The following BMP6 variants were observed in gnomAD, a reference collection of about 807,000 sequenced individuals.
BMP6 encodes bone morphogenetic protein 6, also known as VG-1-R.
In BMP6, 17 loss-of-function variants were observed where a neutral mutation model predicts 54.1. The ratio of observed to expected loss-of-function variants is 0.31; its 90% CI spans 0.22 to 0.47. BMP6 has a LOEUF of 0.47. BMP6 is among the 20% of genes least tolerant of loss of function. The probability of loss-of-function intolerance (pLI) is 1.00; values close to 1 mark genes in which losing one functional copy is unlikely to be tolerated. For synonymous variants in BMP6, 328 were observed against 291.2 expected (o/e 1.13, Z -1.28); for missense variants, 720 against 690.4 (o/e 1.04, Z -0.48).
chr6:7,843,506 A>G (rs891839995), intron 1 of BMP6, among the ~76,000 whole-genome samples: 2 of 151,082 alleles, frequency 1.3e-5, no homozygotes, highest in Non-Finnish European at 2.9e-5. Flanking sequence ...GAAAAACAAC[A>G]TGTGTAAGAG....
At chr6:7,806,376 C>T (rs1186967045) in intron 1 of BMP6, among the ~76,000 whole-genome samples, 3 of 152,130 alleles carry the variant, frequency 2.0e-5, no homozygotes, top group Non-Finnish European at 4.4e-5. Context: ...AGCTGATTGC[C>T]CATGTGAGGA....
intron 1 of BMP6, among the ~76,000 whole-genome samples, chr6:7,793,726 G>A (rs911186338): frequency 1.3e-5 from 2 of 152,160 alleles, no homozygotes; most frequent in African/African-American, 4.8e-5. Context: ...AGTCTTATTA[G>A]TCCTCCTCCA....
At chr6:7,787,722 T>C (rs1056363807) in intron 1 of BMP6, among the ~76,000 whole-genome samples, 2 of 152,254 alleles carry the variant, frequency 1.3e-5, no homozygotes, top group African/African-American at 4.8e-5. Context: ...ATTCTCAATT[T>C]AGTAAATGCT....
chr6:7,787,283 C>A (rs1371697200), intron 1 of BMP6, among the ~76,000 whole-genome samples: 1 of 152,180 alleles, frequency 6.6e-6, no homozygotes, highest in Admixed American at 6.5e-5. Context: ...GTGAACTTCT[C>A]TGGAAGCGCC....
At chr6:7,806,077 T>G (rs1219015966) in intron 1 of BMP6, among the ~76,000 whole-genome samples, 1 of 152,196 alleles carries the variant, frequency 6.6e-6, no homozygotes, top group Non-Finnish European at 1.5e-5. Context: ...TTTAGGAGAT[T>G]AACATCGAAC....
At chr6:7,841,535 G>A (rs1187699765) in intron 1 of BMP6, among the ~76,000 whole-genome samples, 2 of 152,208 alleles carry the variant, frequency 1.3e-5, no homozygotes. Flanking sequence ...CAAACAAACT[G>A]TGTACATTCA....
intron 1 of BMP6, among the ~76,000 whole-genome samples, chr6:7,781,411 A>G (rs994432389): frequency 1.3e-5 from 2 of 151,546 alleles, no homozygotes; most frequent in Admixed American, 1.3e-4. Context: ...GAGCTCGTCT[A>G]TTTTTGCTGT....
At chr6:7,738,968 A>G (rs1158885349) in intron 1 of BMP6, among the ~76,000 whole-genome samples, 1 of 152,140 alleles carries the variant, frequency 6.6e-6, no homozygotes, top group Non-Finnish European at 1.5e-5. Flanking sequence ...TTAAGAATGG[A>G]ATTTGCTGAA....
intron 1 of BMP6, among the ~76,000 whole-genome samples, chr6:7,754,947 T>C (rs1321040527): frequency 6.6e-6 from 1 of 152,132 alleles, no homozygotes; most frequent in Non-Finnish European, 1.5e-5. Context: ...CTCCATCTCA[T>C]GACCTCGTGA....
At chr6:7,858,366 T>C (rs953085367) in intron 2 of BMP6, among the ~76,000 whole-genome samples, 1 of 152,204 alleles carries the variant, frequency 6.6e-6, no homozygotes, top group Non-Finnish European at 1.5e-5. Context: ...ATTACAGGCA[T>C]GAGCCACCAC....
At chr6:7,829,266 T>TTC (rs201235942) in intron 1 of BMP6, among the ~76,000 whole-genome samples, 3,243 of 152,008 alleles carry the variant, frequency 0.021, 49 homozygotes, top group Middle Eastern at 0.075. Flanking sequence ...TATGTATGTC[T>TTC]TCTCTCTCTC....
intron 1 of BMP6, among the ~76,000 whole-genome samples, chr6:7,833,739 A>G (rs1410281420): frequency 6.6e-6 from 1 of 152,242 alleles, no homozygotes; most frequent in Non-Finnish European, 1.5e-5. Context: ...GATTACGTGC[A>G]TGAAAATGCT....
At chr6:7,769,510 C>T (rs1330424326) in intron 1 of BMP6, among the ~76,000 whole-genome samples, 4 of 152,176 alleles carry the variant, frequency 2.6e-5, no homozygotes, top group African/African-American at 7.2e-5. Flanking sequence ...TTTGACCTTA[C>T]GCCCTTGTTA....
At chr6:7,863,793 C>T (rs1254530309) in intron 4 of BMP6, among the ~76,000 whole-genome samples, 2 of 151,900 alleles carry the variant, frequency 1.3e-5, no homozygotes, top group African/African-American at 4.8e-5. Flanking sequence ...CTGAGGCGGG[C>T]GGATTACTTG....
chr6:7,750,091 G>C (rs942979339), intron 1 of BMP6, among the ~76,000 whole-genome samples: 1 of 152,330 alleles, frequency 6.6e-6, no homozygotes, highest in African/African-American at 2.4e-5. Context: ...TGAACCCTGA[G>C]GGTGCTTTTA....
At chr6:7,844,620 G>A (rs369413751) in intron 1 of BMP6, among the ~76,000 whole-genome samples, 145 of 143,228 alleles carry the variant, frequency 1.0e-3, no homozygotes, top group Non-Finnish European at 1.8e-3. Flanking sequence ...TTCCCCACCC[G>A]CAGCCATCCC....
chr6:7,855,991 A>G (rs921482506), intron 2 of BMP6, among the ~76,000 whole-genome samples: 2 of 152,160 alleles, frequency 1.3e-5, no homozygotes, highest in Admixed American at 1.3e-4. Context: ...ATATTCTAAC[A>G]GCAAAGTGAT....
chr6:7,851,282 T>C (rs1051609705), intron 2 of BMP6, among the ~76,000 whole-genome samples: 5 of 152,332 alleles, frequency 3.3e-5, no homozygotes, highest in African/African-American at 1.2e-4. Context: ...CTTTAATAAC[T>C]CTCAGTAATA....
chr6:7,806,984 T>C (rs1758355608), intron 1 of BMP6, among the ~76,000 whole-genome samples: 1 of 152,200 alleles, frequency 6.6e-6, no homozygotes, highest in Non-Finnish European at 1.5e-5. Flanking sequence ...TTTAATAACC[T>C]CCTGACAAGA....
Sources: gnomAD v4.1 joint callset for allele counts (sites outside exome capture counted in the v4.1 genomes callset) on GRCh38, gnomAD v4.1.1 for gene constraint, MANE v1.5 for transcripts, NCBI Gene and HGNC (gene_info 2026-07-23, HGNC 2026-07-21) for gene names.